The following CPEB1 variants were observed in gnomAD, a reference collection of about 807,000 sequenced individuals.
CPEB1 encodes cytoplasmic polyadenylation element binding protein 1, also known as cytoplasmic polyadenylation element-binding protein 1.
A neutral mutation model predicts 65.8 loss-of-function variants in CPEB1; 7 were observed. The observed-to-expected ratio is 0.11, with a 90% CI of 0.06 to 0.20. The LOEUF (loss-of-function observed/expected upper bound fraction) is 0.20. Among genes scored for constraint, CPEB1 ranks in the 10% least tolerant of loss-of-function variants. CPEB1 has a pLI of 1.00. For missense variants in CPEB1, 551 were observed against 712.2 expected (o/e 0.77, Z 2.58); for synonymous variants, 262 against 260.0 (o/e 1.01, Z -0.08).
intron 1 of CPEB1, among the ~76,000 whole-genome samples, chr15:82,640,073 T>C (rs981388158): frequency 3.9e-5 from 6 of 152,312 alleles, no homozygotes; most frequent in Admixed American, 2.6e-4. Context: ...TGAGAACCAC[T>C]ATATGCTGAC....
At chr15:82,637,772 G>A (rs2046782943) in intron 1 of CPEB1, among the ~76,000 whole-genome samples, 1 of 152,018 alleles carries the variant, frequency 6.6e-6, no homozygotes, top group African/African-American at 2.4e-5. Flanking sequence ...AGAGGGCAGT[G>A]GTCCACAAAC....
At chr15:82,556,307 C>T (rs916655459) in intron 5 of CPEB1, 185 bp from the exon 6 acceptor site, 6 of 622,208 alleles carry the variant, frequency 9.6e-6, no homozygotes, top group Admixed American at 4.0e-5. Flanking sequence ...AATGCTCCTT[C>T]TCTCCTCATT....
At chr15:82,587,495 T>G (rs1453159015) in intron 3 of CPEB1, among the ~76,000 whole-genome samples, 1 of 152,136 alleles carries the variant, frequency 6.6e-6, no homozygotes, top group Non-Finnish European at 1.5e-5. Flanking sequence ...AACACTTAAG[T>G]GGCTGGGGAA....
At chr15:82,634,764 C>G (rs56180966) in intron 1 of CPEB1, among the ~76,000 whole-genome samples, 20,034 of 151,756 alleles carry the variant, frequency 0.13, 1,960 homozygotes, top group African/African-American at 0.25. Flanking sequence ...AACATTTAGA[C>G]TTTTTTAATT....
chr15:82,636,557 T>C (rs549371353), intron 1 of CPEB1, among the ~76,000 whole-genome samples: 6 of 152,350 alleles, frequency 3.9e-5, no homozygotes, highest in Middle Eastern at 3.4e-3. Flanking sequence ...ATGAGAACAT[T>C]AGAGAATATT....
Position 82,553,548 on chromosome 15 carries a change from C to T in CPEB1, c.1063G>A (p.Val355Ile), listed in dbSNP as rs778770274. The change falls in exon 8 of 13, where the codon GTT becomes ATT. Residue 355 changes from valine (V) to isoleucine (I), a missense_variant. Val to Ile is a conservative substitution (Grantham distance 29). Coordinates refer to ENST00000684509, the MANE Select transcript of CPEB1 (RefSeq NM_001365242.1). Reference protein sequence around the residue: ...VPWDITEAGLVNTFRVFGSLS... With the variant: ...VPWDITEAGLINTFRVFGSLS... ...GAGCCAAAAACACGGAAGGTGTTAA[C>T]TAATCCAGCTGCAAAGAGACAGAAA... 18 of 1,610,900 alleles carry T rather than the reference C, an allele frequency of 1.1e-5. No homozygotes were observed. Among genetic ancestry groups the T allele is most frequent in the South Asian group, 3.3e-5 (3 of 90,724 alleles).
chr15:82,550,142 T>C (rs1024643792), intron 9 of CPEB1, among the ~76,000 whole-genome samples: 5 of 152,112 alleles, frequency 3.3e-5, no homozygotes, highest in African/African-American at 1.2e-4. Flanking sequence ...CAACCTAGCC[T>C]TCAGAGGGTT....
At chr15:82,605,973 G>A (rs1000515832) in intron 3 of CPEB1, among the ~76,000 whole-genome samples, 17 of 152,168 alleles carry the variant, frequency 1.1e-4, no homozygotes, top group African/African-American at 1.2e-4. Context: ...AGGAGGCAGA[G>A]GTTGTGGTGA....
chr15:82,547,112 C>T (rs2035366506), intron 11 of CPEB1, 31 bp downstream of exon 11: 1 of 1,491,190 alleles, frequency 6.7e-7, no homozygotes, highest in African/African-American at 1.4e-5. Flanking sequence ...CTCATATACC[C>T]CAGAGTAAGG....
At chr15:82,582,539 G>A (rs930340960) in intron 3 of CPEB1, among the ~76,000 whole-genome samples, 46 of 152,042 alleles carry the variant, frequency 3.0e-4, no homozygotes, top group South Asian at 6.2e-4. Flanking sequence ...TCCAAATCTC[G>A]ATTTGTTGGT....
chr15:82,644,257 T>C (rs2047323252), intron 1 of CPEB1, among the ~76,000 whole-genome samples: 1 of 152,184 alleles, frequency 6.6e-6, no homozygotes, highest in African/African-American at 2.4e-5. Context: ...CCTATAAATG[T>C]GACCAGCTCC....
At chr15:82,552,441 C>G in intron 9 of CPEB1, 39 bp downstream of exon 9, 1 of 1,509,740 alleles carries the variant, frequency 6.6e-7, no homozygotes. Flanking sequence ...CTCAATATTC[C>G]AAGACCCTCG....
chr15:82,634,184 G>GTTT lies in CPEB1; in HGVS notation c.-97-5631_-97-5629dup, dbSNP rs34681847. 1.2e-3 allele frequency among the ~76,000 whole-genome samples: 175 copies of GTTT among 146,720 alleles called. 3 individuals carry two copies. Among genetic ancestry groups the GTTT allele is most frequent in the African/African-American group, 3.5e-3 (140 of 40,194 alleles). ...ATTTACTTGTTTTAGCATATAACTG[G>GTTT]TTTTTTTTTTTTTCCATCTATGGTT... On this transcript the variant is annotated intron_variant, in intron 1 of 12. Coordinates refer to ENST00000684509, the MANE Select transcript of CPEB1 (RefSeq NM_001365242.1).
chr15:82,568,493 G>A (rs1048052764), intron 4 of CPEB1, among the ~76,000 whole-genome samples: 2 of 152,178 alleles, frequency 1.3e-5, no homozygotes, highest in Non-Finnish European at 2.9e-5. Context: ...AGAAGAGAAG[G>A]ACCCCACAAA....
chr15:82,555,202 A>T (rs1567173251), intron 6 of CPEB1, among the ~76,000 whole-genome samples: 1 of 152,270 alleles, frequency 6.6e-6, no homozygotes, highest in Non-Finnish European at 1.5e-5. Context: ...TTTAAAATAT[A>T]TAGAGATGGG....
At chr15:82,557,644 A>G in intron 5 of CPEB1, 116 bp downstream of exon 5, 1 of 818,694 alleles carries the variant, frequency 1.2e-6, no homozygotes, top group Non-Finnish European at 2.0e-6. Context: ...CCCTCATCCC[A>G]TCTCCCAGCC....
At chr15:82,564,506 G>A (rs1485698855) in intron 4 of CPEB1, among the ~76,000 whole-genome samples, 1 of 152,036 alleles carries the variant, frequency 6.6e-6, no homozygotes, top group African/African-American at 2.4e-5. Flanking sequence ...TGTTAGCCAG[G>A]ATGGTCTTGA....
rs1374861503 is a variant in CPEB1, at chr15:82,610,058, G to A, written c.271+17135C>T. On this transcript the variant is annotated intron_variant, in intron 3 of 12. Transcript: ENST00000684509. ...CTAGGCAACAAGAGCAAACCTCCGT[G>A]GCAAAAAAAAAAAAAAAAAATTACT... Among the ~76,000 whole-genome samples, 22 of 118,200 alleles carry A rather than the reference G, an allele frequency of 1.9e-4. No individual in the cohort carries two copies. The South Asian group carries it at 6.8e-3, about 36-fold the overall frequency. 77.5% of individuals were successfully genotyped at this position (118,200 alleles called of 152,430 possible).
At chr15:82,636,571 T>C (rs1198698905) in intron 1 of CPEB1, among the ~76,000 whole-genome samples, 2 of 152,226 alleles carry the variant, frequency 1.3e-5, no homozygotes. Flanking sequence ...GAATATTTCA[T>C]ACCAAAACAC....
Sources: allele counts gnomAD v4.1 joint callset (sites outside exome capture counted in the v4.1 genomes callset), GRCh38; gene constraint gnomAD v4.1.1; transcripts MANE v1.5; gene names NCBI Gene and HGNC (gene_info 2026-07-23, HGNC 2026-07-21).